FLRT2: variants seen among roughly 807,000 people sequenced by gnomAD.
FLRT2 encodes leucine-rich repeat transmembrane protein FLRT2.
Under a neutral mutation model 40.0 loss-of-function variants are expected in FLRT2, and 15 were observed. The observed-to-expected ratio is 0.38, with a 90% CI of 0.25 to 0.58. FLRT2 has a LOEUF of 0.58. Among genes scored for constraint, FLRT2 ranks in the 20% least tolerant of loss-of-function variants. FLRT2 has a pLI of 0.71. For missense variants in FLRT2, 726 were observed against 840.0 expected, an observed-to-expected ratio of 0.86 and a Z score of 1.68; for synonymous variants, 380 against 336.8, an observed-to-expected ratio of 1.13 and a Z score of -1.41.
chr14:85,558,796 T>C (rs891780247), intron 1 of FLRT2, among the ~76,000 whole-genome samples: 2 of 152,220 alleles, frequency 1.3e-5, no homozygotes, highest in Non-Finnish European at 2.9e-5. Context: ...AATGCTTTTG[T>C]ATCATGCATA....
intron 1 of FLRT2, among the ~76,000 whole-genome samples, chr14:85,590,388 G>A (rs933995183): frequency 7.2e-5 from 11 of 152,090 alleles, no homozygotes; most frequent in African/African-American, 2.7e-4. Context: ...CTGAGCATAA[G>A]AGTTTAGAAC....
chr14:85,585,508 TTGA>T (rs2139882144), intron 1 of FLRT2, among the ~76,000 whole-genome samples: 1 of 152,344 alleles, frequency 6.6e-6, no homozygotes, highest in South Asian at 2.1e-4. Flanking sequence ...AAGTATATTG[TTGA>T]TAATTTGGAA....
chr14:85,560,189 T>C (rs1180124742), intron 1 of FLRT2, among the ~76,000 whole-genome samples: 2 of 152,210 alleles, frequency 1.3e-5, no homozygotes, highest in East Asian at 1.9e-4. Context: ...GGTTTTGTTT[T>C]TCCTTGTGTC....
At chr14:85,571,724 T>G (rs889027349) in intron 1 of FLRT2, among the ~76,000 whole-genome samples, 2 of 152,110 alleles carry the variant, frequency 1.3e-5, no homozygotes, top group Non-Finnish European at 2.9e-5. Flanking sequence ...AAGAACACAG[T>G]TAGGACCTTT....
rs556273654 is a variant in FLRT2, at chr14:85,538,792, A to G, written c.-377+8258A>G. Among the ~76,000 whole-genome samples, 5 of 152,284 alleles carry G rather than the reference A, an allele frequency of 3.3e-5. No homozygotes were observed. In the South Asian group the frequency reaches 1.0e-3, roughly 32 times the overall value. On this transcript the variant is annotated intron_variant, in intron 1 of 1. Coordinates refer to ENST00000330753, the MANE Select transcript of FLRT2 (RefSeq NM_013231.6). ...GTCCATTGAAGTCAACAGAGGTCAT[A>G]TGGCTGAATGGAAAACATTAGACGC... is the stretch of plus-strand genomic sequence containing the variant.
In FLRT2 at chr14:85,653,090, A is replaced by G. The variant is rs1367455924; in HGVS notation, c.*29593A>G. 6.6e-6 allele frequency: 1 copy of G among 152,206 alleles called. No homozygotes were observed. The highest frequency in any genetic ancestry group is 1.5e-5 in the Non-Finnish European group (1 of 68,034). 9.4% of individuals were successfully genotyped at this position (152,206 alleles called of 1,614,324 possible). A position where few individuals can be genotyped will look rare whatever the true frequency, so the allele number is the denominator to read the frequency against. On this transcript the variant is annotated 3_prime_UTR_variant, in exon 2 of 2. Coordinates refer to ENST00000330753, the MANE Select transcript of FLRT2 (RefSeq NM_013231.6). ...TTACCTAAAAGAAAGAAGGCAGCAAATGGTTCCAGACATTTATAATTATGC... is the reference window on the plus strand; with the variant it reads ...TTACCTAAAAGAAAGAAGGCAGCAAGTGGTTCCAGACATTTATAATTATGC...
In FLRT2 at chr14:85,626,422, T is replaced by A. The variant is rs2139378727; in HGVS notation, c.*2925T>A. 1 of 167,234 alleles carries A rather than the reference T, an allele frequency of 6.0e-6. No individual in the cohort carries two copies. The highest frequency in any genetic ancestry group is 6.5e-5 in the Admixed American group (1 of 15,294). 10.4% of individuals were successfully genotyped at this position (167,234 alleles called of 1,614,324 possible). ...CACTGGCCAATAAAGAGCTTGATGC[T>A]GCCTGGCCAAATGAGGTGACTCAGA... On this transcript the variant is annotated 3_prime_UTR_variant, in exon 2 of 2. Transcript: ENST00000330753.
chr14:85,605,587 G>A (rs957771292), intron 1 of FLRT2, among the ~76,000 whole-genome samples: 13 of 152,002 alleles, frequency 8.6e-5, no homozygotes, highest in African/African-American at 2.7e-4. Context: ...TGGCTAACAC[G>A]GTGAAACCCC....
intron 1 of FLRT2, among the ~76,000 whole-genome samples, chr14:85,541,645 T>C (rs1888990756): frequency 1.3e-5 from 2 of 152,208 alleles, no homozygotes; most frequent in African/African-American, 4.8e-5. Context: ...GCCTAATGAA[T>C]GCCGACTGTA....
chr14:85,535,171 TCA>T (rs1003848800), intron 1 of FLRT2, among the ~76,000 whole-genome samples: 8 of 152,192 alleles, frequency 5.3e-5, no homozygotes, highest in African/African-American at 1.9e-4. Context: ...GGCTCTTTAA[TCA>T]CACAGGGTTT....
chr14:85,586,073 GT>G (rs1415743579), intron 1 of FLRT2, among the ~76,000 whole-genome samples: 1 of 147,410 alleles, frequency 6.8e-6, no homozygotes, highest in African/African-American at 2.5e-5. Flanking sequence ...GCTATATACA[GT>G]TTTTATATAG....
rs1014746185 is a variant in FLRT2, at chr14:85,639,439, G to T, written c.*15942G>T. ...GAGGATGAGTATTAAAGGTCATTAG[G>T]CATTCAAGGTACCACATTTACTTTC... On this transcript the variant is annotated 3_prime_UTR_variant, in exon 2 of 2. Coordinates refer to ENST00000330753, the MANE Select transcript of FLRT2 (RefSeq NM_013231.6). The T allele has an allele frequency of 6.6e-5, 10 of 152,114 alleles. No homozygotes were observed. Among genetic ancestry groups the T allele is most frequent in the Admixed American group, 5.9e-4 (9 of 15,274 alleles). 9.4% of individuals were successfully genotyped at this position (152,114 alleles called of 1,614,324 possible). A position where few individuals can be genotyped will look rare whatever the true frequency, so the allele number is the denominator to read the frequency against.
chr14:85,606,407 C>A (rs375475220), intron 1 of FLRT2, among the ~76,000 whole-genome samples: 1 of 152,066 alleles, frequency 6.6e-6, no homozygotes, highest in Non-Finnish European at 1.5e-5. Context: ...TTTCTGCATC[C>A]CTAAAATGGC....
rs1458434048 is a variant in FLRT2, at chr14:85,630,490, A to T, written c.*6993A>T. On this transcript the variant is annotated 3_prime_UTR_variant, in exon 2 of 2. Coordinates refer to ENST00000330753, the MANE Select transcript of FLRT2 (RefSeq NM_013231.6). ...ATGGGCCTTTGTTGGTTTAGTTTTG[A>T]TTTCATTCAGCAAATATTTACCGAG... 1 of 151,984 alleles carries T rather than the reference A, an allele frequency of 6.6e-6. No homozygotes were observed. The highest frequency in any genetic ancestry group is 1.5e-5 in the Non-Finnish European group (1 of 67,970). The allele number at this position is 151,984 out of a possible 1,614,324, so 9.4% of individuals were successfully genotyped here. A position where few individuals can be genotyped will look rare whatever the true frequency, so the allele number is the denominator to read the frequency against.
chr14:85,639,891 C>G lies in FLRT2; in HGVS notation c.*16394C>G, dbSNP rs1894110746. The G allele has an allele frequency of 6.8e-6, 1 of 147,890 alleles. No homozygotes were observed. The highest frequency in any genetic ancestry group is 6.8e-5 in the Admixed American group (1 of 14,808). 9.2% of individuals were successfully genotyped at this position (147,890 alleles called of 1,614,324 possible). On this transcript the variant is annotated 3_prime_UTR_variant, in exon 2 of 2. Coordinates refer to ENST00000330753, the MANE Select transcript of FLRT2 (RefSeq NM_013231.6). ...TGAGACAGTGTCTCGCTCTGTCCCC[C>G]AGGCCAGAGTGCAGCGGCGTGATCT...
intron 1 of FLRT2, among the ~76,000 whole-genome samples, chr14:85,566,348 G>A (rs1224006393): frequency 2.0e-5 from 3 of 152,004 alleles, no homozygotes; most frequent in Non-Finnish European, 4.4e-5. Flanking sequence ...TTTCAAGAGA[G>A]GATTTTATTG....
At chr14:85,602,337 C>T (rs1190743944) in intron 1 of FLRT2, among the ~76,000 whole-genome samples, 3 of 152,096 alleles carry the variant, frequency 2.0e-5, no homozygotes, top group Non-Finnish European at 2.9e-5. Flanking sequence ...CCCTTTGCTC[C>T]GACTTGGAGT....
chr14:85,637,830 ATGT>A lies in FLRT2; in HGVS notation c.*14337_*14339del, dbSNP rs1297541101. ...GGGCACACACTCTTGCAAATTTTTC[ATGT>A]TGTAATCACCCACCAGTGGTAATAA... On this transcript the variant is annotated 3_prime_UTR_variant, in exon 2 of 2. Transcript: ENST00000330753. 1 of 152,182 alleles carries A rather than the reference ATGT, an allele frequency of 6.6e-6. No homozygotes were observed. The highest frequency in any genetic ancestry group is 1.5e-5 in the Non-Finnish European group (1 of 68,026). 9.4% of individuals were successfully genotyped at this position (152,182 alleles called of 1,614,324 possible).
chr14:85,572,584 G>C (rs1487018680), intron 1 of FLRT2, among the ~76,000 whole-genome samples: 1 of 152,148 alleles, frequency 6.6e-6, no homozygotes, highest in Non-Finnish European at 1.5e-5. Context: ...CAGACAGTAG[G>C]CCTCGCTATT....
Sources: allele counts gnomAD v4.1 joint callset (sites outside exome capture counted in the v4.1 genomes callset), GRCh38; gene constraint gnomAD v4.1.1; transcripts MANE v1.5; gene names NCBI Gene and HGNC (gene_info 2026-07-23, HGNC 2026-07-21).